AGMO: variants seen among roughly 807,000 people sequenced by gnomAD.
AGMO encodes glyceryl-ether monooxygenase.
AGMO carries 75 observed loss-of-function variants against 60.2 expected under a neutral mutation model. The observed-to-expected ratio is 1.25, with a 90% CI of 1.03 to 1.51. The LOEUF is 1.51. AGMO is among the 40% of genes most tolerant of loss of function. AGMO has a pLI of 0.00. For synonymous variants in AGMO, 261 were observed against 177.1 expected, an observed-to-expected ratio of 1.47 and a Z score of -3.76; for missense variants, 763 against 525.5, an observed-to-expected ratio of 1.45 and a Z score of -4.42.
intron 3 of AGMO, among the ~76,000 whole-genome samples, chr7:15,502,905 T>C (rs1470139773): frequency 6.6e-6 from 1 of 152,038 alleles, no homozygotes; most frequent in African/African-American, 2.4e-5. Context: ...GATTTCTGCT[T>C]CTGTGCTAGT....
the AGMO span, among the ~76,000 whole-genome samples, chr7:15,139,541 T>G: frequency 6.6e-6 from 1 of 152,126 alleles, no homozygotes; most frequent in South Asian, 2.1e-4. Flanking sequence ...TAGGCCCCCG[T>G]GCCTGTAGTT....
chr7:15,404,726 G>T (rs1262079306), intron 5 of AGMO, among the ~76,000 whole-genome samples: 2 of 151,752 alleles, frequency 1.3e-5, no homozygotes, highest in Non-Finnish European at 3.0e-5. Context: ...TCTTTCTAAA[G>T]CTCACTGTAT....
intron 3 of AGMO, among the ~76,000 whole-genome samples, chr7:15,492,459 T>C (rs1052781896): frequency 3.3e-5 from 5 of 150,842 alleles, no homozygotes; most frequent in Admixed American, 6.6e-5. Context: ...AGACCAGAAA[T>C]AGAATCTTCT....
At chr7:15,354,345 C>CGTGTATATACACGT (rs1563104903) in intron 12 of AGMO, among the ~76,000 whole-genome samples, 1 of 44,238 alleles carries the variant, frequency 2.3e-5, no homozygotes, top group Non-Finnish European at 4.3e-5. Context: ...TATATACACG[C>CGTGTATATACACGT]GTGTATATAG....
chr7:15,278,296 G>A (rs1243042416), intron 12 of AGMO, among the ~76,000 whole-genome samples: 4 of 152,126 alleles, frequency 2.6e-5, no homozygotes, highest in African/African-American at 9.7e-5. Context: ...AGGTGGTTGT[G>A]CCAGCAGTTT....
chr7:15,495,757 G>A (rs984491313), intron 3 of AGMO, among the ~76,000 whole-genome samples: 1 of 151,942 alleles, frequency 6.6e-6, no homozygotes, highest in South Asian at 2.1e-4. Context: ...CTGGCTCATA[G>A]ACAGCCAGCC....
chr7:15,403,227 T>C (rs188752079), intron 5 of AGMO, among the ~76,000 whole-genome samples: 63 of 152,078 alleles, frequency 4.1e-4, no homozygotes, highest in African/African-American at 1.4e-3. Flanking sequence ...TGAAAATTAA[T>C]TTTAGTGTAG....
chr7:15,529,647 CT>C (rs1784237715), intron 3 of AGMO, among the ~76,000 whole-genome samples: 1 of 7,420 alleles, frequency 1.3e-4, no homozygotes, highest in African/African-American at 4.0e-4. Flanking sequence ...TATATATATA[CT>C]ATATATTCTA....
At chr7:15,216,539 A>G (rs184100375) in intron 12 of AGMO, among the ~76,000 whole-genome samples, 4 of 152,192 alleles carry the variant, frequency 2.6e-5, no homozygotes, top group Admixed American at 2.0e-4. Context: ...CTGGAATTCT[A>G]TAGGCATCAT....
At chr7:15,444,504 C>T (rs1362732055) in intron 3 of AGMO, among the ~76,000 whole-genome samples, 1 of 152,174 alleles carries the variant, frequency 6.6e-6, no homozygotes, top group East Asian at 1.9e-4. Flanking sequence ...AAACCAAAGG[C>T]CTCCGTTTAG....
intron 12 of AGMO, among the ~76,000 whole-genome samples, chr7:15,305,906 TA>T (rs970626454): frequency 2.6e-5 from 4 of 151,996 alleles, no homozygotes; most frequent in Non-Finnish European, 4.4e-5. Context: ...AATCTTTTTT[TA>T]AAGACTGATT....
chr7:15,506,370 A>G (rs1011168018), intron 3 of AGMO, among the ~76,000 whole-genome samples: 1 of 152,010 alleles, frequency 6.6e-6, no homozygotes, highest in African/African-American at 2.4e-5. Flanking sequence ...AGAAATTCAA[A>G]CCCCAAGGGT....
intron 3 of AGMO, among the ~76,000 whole-genome samples, chr7:15,443,663 T>C (rs1414407190): frequency 2.0e-5 from 3 of 152,148 alleles, no homozygotes; most frequent in African/African-American, 7.2e-5. Context: ...AGTGCAGGCA[T>C]CAGCAAACTG....
At chr7:15,191,236 C>A in the AGMO span, among the ~76,000 whole-genome samples, 3 of 152,212 alleles carry the variant, frequency 2.0e-5, no homozygotes, top group South Asian at 4.1e-4. Flanking sequence ...GATCAGCAAT[C>A]ACAAGCATGA....
intron 12 of AGMO, among the ~76,000 whole-genome samples, chr7:15,209,667 T>G (rs58704893): frequency 0.18 from 27,029 of 152,028 alleles, 2,815 homozygotes; most frequent in East Asian, 0.41. Flanking sequence ...CGCCTAAGTC[T>G]CAAGTCATAA....
At chr7:15,430,595 G>T (rs1345014836) in intron 4 of AGMO, among the ~76,000 whole-genome samples, 9 of 134,316 alleles carry the variant, frequency 6.7e-5, no homozygotes, top group Non-Finnish European at 9.4e-5. Flanking sequence ...AGAATTAGTT[G>T]TTTTTTTTAA....
chr7:15,560,974 C>T (rs1785287204), intron 1 of AGMO, among the ~76,000 whole-genome samples: 1 of 152,074 alleles, frequency 6.6e-6, no homozygotes. Context: ...AGTGTAATAT[C>T]TAATCTTGAA....
intron 12 of AGMO, among the ~76,000 whole-genome samples, chr7:15,212,279 C>CAA (rs1781615551): frequency 7.2e-6 from 1 of 138,050 alleles, no homozygotes; most frequent in African/African-American, 2.8e-5. Flanking sequence ...CACACACACA[C>CAA]ACACACACAA....
rs535435816 is a variant in AGMO at position 15,501,649 on chromosome 7, G to A, written c.409+43123C>T. Among the ~76,000 whole-genome samples, 231 of 152,004 alleles carry A rather than the reference G, an allele frequency of 1.5e-3. 3 individuals carry two copies. The highest frequency in any genetic ancestry group is 2.9e-4 in the Non-Finnish European group (20 of 67,934). On this transcript the variant is annotated intron_variant, in intron 3 of 12. Transcript: ENST00000342526. Reference sequence around the variant, plus strand: ...ATGCAGGGATGGTAGACTTATGATGGTAGGCGAAAAATATTGATAGCATAG... The same window carrying A: ...ATGCAGGGATGGTAGACTTATGATGATAGGCGAAAAATATTGATAGCATAG...
Sources: allele counts gnomAD v4.1 joint callset (sites outside exome capture counted in the v4.1 genomes callset), GRCh38; gene constraint gnomAD v4.1.1; transcripts MANE v1.5; gene names NCBI Gene and HGNC (gene_info 2026-07-23, HGNC 2026-07-21).